Variants in VEGFC observed in about 807,000 individuals in gnomAD.
VEGFC encodes FLT4 ligand DHM.
VEGFC carries 12 observed loss-of-function variants against 46.1 expected under a neutral mutation model. The observed-to-expected ratio is 0.26, with a 90% CI of 0.17 to 0.42. The LOEUF is 0.42. Among genes scored for constraint, VEGFC ranks in the 10% least tolerant of loss-of-function variants. VEGFC has a pLI of 1.00. For missense variants in VEGFC, 488 were observed against 529.4 expected, an observed-to-expected ratio of 0.92 and a Z score of 0.77; for synonymous variants, 232 against 195.5, an observed-to-expected ratio of 1.19 and a Z score of -1.56.
intron 1 of VEGFC, among the ~76,000 whole-genome samples, chr4:176,782,729 G>C (rs1177324401): frequency 1.3e-5 from 2 of 151,978 alleles, no homozygotes; most frequent in African/African-American, 2.4e-5. Flanking sequence ...GAATAATATA[G>C]TATTATCTAA....
At chr4:176,738,852 GA>G (rs201519384) in intron 1 of VEGFC, among the ~76,000 whole-genome samples, 15 of 150,198 alleles carry the variant, frequency 1.0e-4, no homozygotes, top group South Asian at 4.2e-4. Flanking sequence ...AAATTTACAA[GA>G]AAAAAAAATC....
intron 1 of VEGFC, among the ~76,000 whole-genome samples, chr4:176,791,374 C>T (rs1736088590): frequency 6.6e-6 from 1 of 152,054 alleles, no homozygotes; most frequent in Non-Finnish European, 1.5e-5. Context: ...TAGGAACACA[C>T]ACAAATCCTT....
At chr4:176,787,529 T>C in intron 1 of VEGFC, among the ~76,000 whole-genome samples, 1 of 149,906 alleles carries the variant, frequency 6.7e-6, no homozygotes, top group East Asian at 2.0e-4. Flanking sequence ...AAAAAAACTA[T>C]CGTGGATAAC....
chr4:176,704,827 T>C (rs924495866), intron 4 of VEGFC, among the ~76,000 whole-genome samples: 1 of 152,210 alleles, frequency 6.6e-6, no homozygotes, highest in African/African-American at 2.4e-5. Flanking sequence ...TCCAGACTCA[T>C]GTATCCCCTC....
chr4:176,716,509 A>G (rs10050028), intron 3 of VEGFC, among the ~76,000 whole-genome samples: 9,863 of 147,228 alleles, frequency 0.067, 676 homozygotes, highest in African/African-American at 0.16. Context: ...CCCGGGAGGC[A>G]GAGGTTGCAG....
chr4:176,754,233 T>G (rs554438838), intron 1 of VEGFC, among the ~76,000 whole-genome samples: 2 of 151,274 alleles, frequency 1.3e-5, no homozygotes, highest in Non-Finnish European at 3.0e-5. Context: ...TTAACTTGTT[T>G]TTTTTTTTTT....
chr4:176,694,946 A>G (rs1196393450), intron 4 of VEGFC, among the ~76,000 whole-genome samples: 1 of 143,922 alleles, frequency 6.9e-6, no homozygotes, highest in Non-Finnish European at 1.5e-5. Context: ...ACAAAGACAC[A>G]ACATACCAGA....
intron 1 of VEGFC, among the ~76,000 whole-genome samples, chr4:176,764,449 T>C (rs1184493144): frequency 2.6e-5 from 4 of 152,204 alleles, no homozygotes; most frequent in Non-Finnish European, 5.9e-5. Context: ...CTTAAGGTTT[T>C]CCTTTTGAGG....
At chr4:176,777,674 C>A (rs1735836682) in intron 1 of VEGFC, among the ~76,000 whole-genome samples, 2 of 152,050 alleles carry the variant, frequency 1.3e-5, no homozygotes, top group South Asian at 4.1e-4. Flanking sequence ...GTAATCCCAG[C>A]ACTTTGGGAG....
intron 3 of VEGFC, among the ~76,000 whole-genome samples, chr4:176,711,957 A>G (rs1055594120): frequency 6.6e-6 from 1 of 152,184 alleles, no homozygotes; most frequent in African/African-American, 2.4e-5. Context: ...TCAAGAAAAA[A>G]GAACTGTTTC....
intron 4 of VEGFC, among the ~76,000 whole-genome samples, chr4:176,690,838 G>T (rs1734163567): frequency 6.6e-6 from 1 of 152,110 alleles, no homozygotes; most frequent in South Asian, 2.1e-4. Context: ...GGCATCGAGT[G>T]GCCATTATAA....
At chr4:176,708,307 A>C (rs1734570528) in intron 4 of VEGFC, among the ~76,000 whole-genome samples, 1 of 151,966 alleles carries the variant, frequency 6.6e-6, no homozygotes, top group Admixed American at 6.6e-5. Flanking sequence ...TACAATTATA[A>C]ATTTATGTTA....
chr4:176,773,123 G>A (rs1022346691), intron 1 of VEGFC, among the ~76,000 whole-genome samples: 2 of 152,116 alleles, frequency 1.3e-5, no homozygotes, highest in African/African-American at 4.8e-5. Flanking sequence ...CTTTTGCTTT[G>A]GTTTGAATGT....
At chr4:176,696,068 T>G (rs1002614063) in intron 4 of VEGFC, among the ~76,000 whole-genome samples, 17 of 149,282 alleles carry the variant, frequency 1.1e-4, no homozygotes, top group Non-Finnish European at 2.1e-4. Context: ...CTTTGAAAAC[T>G]GGCACAAGAC....
At chr4:176,752,328 T>G (rs1291127958) in intron 1 of VEGFC, among the ~76,000 whole-genome samples, 1 of 152,060 alleles carries the variant, frequency 6.6e-6, no homozygotes, top group African/African-American at 2.4e-5. Flanking sequence ...GAGTCACTCT[T>G]CCTCCAGTCT....
At chr4:176,716,613 G>GA (rs1040737745) in intron 3 of VEGFC, among the ~76,000 whole-genome samples, 5 of 120,762 alleles carry the variant, frequency 4.1e-5, no homozygotes, top group Non-Finnish European at 8.8e-5. Context: ...AAAAGAAAAA[G>GA]AAAAAAAAAG....
intron 1 of VEGFC, among the ~76,000 whole-genome samples, chr4:176,766,799 G>C (rs976449756): frequency 6.6e-6 from 1 of 151,854 alleles, no homozygotes; most frequent in African/African-American, 2.4e-5. Flanking sequence ...AACTAGTCTT[G>C]ATTTCTACCC....
At chr4:176,772,216 T>A (rs1399337059) in intron 1 of VEGFC, among the ~76,000 whole-genome samples, 1 of 152,180 alleles carries the variant, frequency 6.6e-6, no homozygotes, top group Non-Finnish European at 1.5e-5. Flanking sequence ...ATTTAATTGG[T>A]CTTACACTGA....
At chr4:176,764,228 G>A (rs1267748010) in intron 1 of VEGFC, among the ~76,000 whole-genome samples, 3 of 152,142 alleles carry the variant, frequency 2.0e-5, no homozygotes, top group Non-Finnish European at 4.4e-5. Context: ...ATTTTCCCTT[G>A]GGTAATATAA....
Sources: gnomAD v4.1 joint callset for allele counts (sites outside exome capture counted in the v4.1 genomes callset) on GRCh38, gnomAD v4.1.1 for gene constraint, MANE v1.5 for transcripts, NCBI Gene and HGNC (gene_info 2026-07-23, HGNC 2026-07-21) for gene names.